Variants in GNB1 observed in about 807,000 individuals in gnomAD.
GNB1 encodes the protein guanine nucleotide-binding protein G(I)/G(S)/G(T) subunit beta-1.
In GNB1, 2 loss-of-function variants were observed where a neutral mutation model predicts 42.9. The observed-to-expected ratio is 0.05, with a 90% CI of 0.02 to 0.15. The LOEUF is 0.15. Ranked by LOEUF, GNB1 falls within the 10% of genes least tolerant of loss-of-function variation. The pLI is 1.00. For missense variants in GNB1, 193 were observed against 462.2 expected, an observed-to-expected ratio of 0.42 and a Z score of 5.34; for synonymous variants, 183 against 174.7, an observed-to-expected ratio of 1.05 and a Z score of -0.38.
intron 1 of GNB1, among the ~76,000 whole-genome samples, chr1:1,880,251 G>A (rs371081415): frequency 1.3e-5 from 2 of 152,068 alleles, no homozygotes; most frequent in East Asian, 3.9e-4. Context: ...TATTTCTATA[G>A]AATTTTTATT....
intron 1 of GNB1, among the ~76,000 whole-genome samples, chr1:1,866,989 G>A (rs1648977845): frequency 6.6e-6 from 1 of 151,930 alleles, no homozygotes; most frequent in African/African-American, 2.4e-5. Flanking sequence ...ATTCTAGGCC[G>A]GGTGCAGTGG....
intron 3 of GNB1, among the ~76,000 whole-genome samples, chr1:1,823,561 TAAAC>T (rs1440879322): frequency 6.6e-6 from 1 of 152,200 alleles, no homozygotes; most frequent in African/African-American, 2.4e-5. Flanking sequence ...GGGGACATGT[TAAAC>T]AAGTCTGATC....
At chr1:1,859,775 G>A (rs542600546) in intron 1 of GNB1, among the ~76,000 whole-genome samples, 29 of 151,674 alleles carry the variant, frequency 1.9e-4, no homozygotes, top group African/African-American at 6.5e-4. Flanking sequence ...TTGGGAGGCC[G>A]AGAGGCGGGC....
chr1:1,793,607 G>A (rs1646508933), intron 7 of GNB1: 1 of 226,624 alleles, frequency 4.4e-6, no homozygotes, highest in East Asian at 8.9e-5. Flanking sequence ...CTGCTTTACT[G>A]TTTGACCCAT....
chr1:1,865,179 A>G (rs772546456), intron 1 of GNB1, among the ~76,000 whole-genome samples: 3 of 142,794 alleles, frequency 2.1e-5, no homozygotes, highest in Non-Finnish European at 3.1e-5. Context: ...GGAGAATGGC[A>G]TGAACCCGGG....
At chr1:1,876,577 TCTCA>T (rs934141921) in intron 1 of GNB1, among the ~76,000 whole-genome samples, 146 of 151,602 alleles carry the variant, frequency 9.6e-4, no homozygotes, top group African/African-American at 3.4e-3. Context: ...AAAAATGGGG[TCTCA>T]CTATGTTGCC....
intron 1 of GNB1, among the ~76,000 whole-genome samples, chr1:1,866,498 C>A (rs1359809862): frequency 6.6e-6 from 1 of 152,150 alleles, no homozygotes; most frequent in Non-Finnish European, 1.5e-5. Context: ...TCCAAGTCTG[C>A]CTTAATTTAA....
chr1:1,852,592 G>A (rs1648051828), intron 1 of GNB1, among the ~76,000 whole-genome samples: 1 of 151,904 alleles, frequency 6.6e-6, no homozygotes, highest in Non-Finnish European at 1.5e-5. Context: ...CTACTCCAGA[G>A]GCTAAGACAG....
chr1:1,822,916 C>G (rs1646951068), intron 3 of GNB1, among the ~76,000 whole-genome samples: 5 of 152,114 alleles, frequency 3.3e-5, no homozygotes, highest in Admixed American at 2.0e-4. Context: ...AATCACCCTA[C>G]TATTTAAGAC....
At position 1,785,477 on chromosome 1, in the gene GNB1, C is replaced by T. The variant is rs899478732; in HGVS notation, c.*1586G>A. 2 of 153,182 alleles carry T rather than the reference C, an allele frequency of 1.3e-5. No homozygotes were observed. The highest frequency in any genetic ancestry group is 1.3e-4 in the Admixed American group (2 of 15,266). The allele number at this position is 153,182 out of a possible 1,614,324, so 9.5% of individuals were successfully genotyped here. Reference sequence around the variant, plus strand: ...AAAGAAGGGGTTTCATTTGTATTCTCTTTGCCAGATCCAGGCCTACCGCAA... The same window carrying T: ...AAAGAAGGGGTTTCATTTGTATTCTTTTTGCCAGATCCAGGCCTACCGCAA... On this transcript the variant is annotated 3_prime_UTR_variant, in exon 12 of 12. Transcript: ENST00000378609.
intron 5 of GNB1, among the ~76,000 whole-genome samples, chr1:1,812,878 C>T (rs970109808): frequency 8.0e-6 from 1 of 125,490 alleles, no homozygotes; most frequent in Non-Finnish European, 1.6e-5. Flanking sequence ...CCCATCTCTT[C>T]GGTCCCTGAA....
chr1:1,822,706 G>C (rs572611006), intron 3 of GNB1, among the ~76,000 whole-genome samples: 5 of 152,262 alleles, frequency 3.3e-5, no homozygotes, highest in African/African-American at 9.6e-5. Flanking sequence ...TGTGCAAGAA[G>C]GCCCTGGGGA....
At chr1:1,888,323 C>A (rs952001706) in intron 1 of GNB1, among the ~76,000 whole-genome samples, 3 of 150,368 alleles carry the variant, frequency 2.0e-5, no homozygotes, top group Non-Finnish European at 2.9e-5. Flanking sequence ...TGGGAGGGGG[C>A]ACAGGCACCT....
rs542292591 is a variant in GNB1 at position 1,831,798 on chromosome 1, C to A, written c.-46-6299G>T. Among the ~76,000 whole-genome samples the A allele has an allele frequency of 1.4e-4, 21 of 151,600 alleles. No individual in the cohort carries two copies. In the South Asian group the frequency reaches 1.9e-3, roughly 14 times the overall value. ...ATAGGTCTGGGCGCGGTGGCTCATG[C>A]CTGTAGTCCCAGCACTTTGGGAGGC... On this transcript the variant is annotated intron_variant, in intron 2 of 11. Transcript: ENST00000378609.
chr1:1,793,183 A>T, intron 8 of GNB1, 62 bp downstream of exon 8: 1 of 967,460 alleles, frequency 1.0e-6, no homozygotes, highest in East Asian at 2.4e-5. Flanking sequence ...CCATGTTCAC[A>T]GAGGAATGTG....
At chr1:1,867,875 C>A (rs982417619) in intron 1 of GNB1, among the ~76,000 whole-genome samples, 2 of 152,176 alleles carry the variant, frequency 1.3e-5, no homozygotes, top group African/African-American at 2.4e-5. Flanking sequence ...CCATTCCCAA[C>A]TGATTGTAAA....
rs76117314 is a variant in GNB1, at chr1:1,807,545, C to A, written c.204-1007G>T. On this transcript the variant is annotated intron_variant, in intron 5 of 11. Coordinates refer to ENST00000378609, the MANE Select transcript of GNB1 (RefSeq NM_002074.5). ...GACATTCCAAATTCATGAAACATTT[C>A]TCACCCAAAATACCCCATGAAATTT... is the stretch of plus-strand genomic sequence containing the variant. Among the ~76,000 whole-genome samples the A allele has an allele frequency of 5.2e-4, 75 of 143,096 alleles. No individual in the cohort carries two copies. In the East Asian group the frequency reaches 0.014, roughly 26 times the overall value. The allele number at this position is 143,096 out of a possible 152,430, so 93.9% of individuals were successfully genotyped here. A position where few individuals can be genotyped will look rare whatever the true frequency, so the allele number is the denominator to read the frequency against.
At chr1:1,817,954 A>G in intron 3 of GNB1, 79 bp from the exon 4 acceptor site, 1 of 1,130,866 alleles carries the variant, frequency 8.8e-7, no homozygotes, top group African/African-American at 1.5e-5. Context: ...AAAGTTTCAA[A>G]GAGAGCTTTC....
At chr1:1,808,386 T>C (rs940846742) in intron 5 of GNB1, among the ~76,000 whole-genome samples, 1 of 136,366 alleles carries the variant, frequency 7.3e-6, no homozygotes, top group South Asian at 2.2e-4. Context: ...AGCTCCATAC[T>C]ACAAAGGAGA....
Sources: gnomAD v4.1 joint callset for allele counts (sites outside exome capture counted in the v4.1 genomes callset) on GRCh38, gnomAD v4.1.1 for gene constraint, MANE v1.5 for transcripts, NCBI Gene and HGNC (gene_info 2026-07-23, HGNC 2026-07-21) for gene names.